ADORA2B: variants seen among roughly 807,000 people sequenced by gnomAD.
The protein encoded by ADORA2B is adenosine A2b receptor, also known as adenosine receptor A2b.
A neutral mutation model predicts 20.8 loss-of-function variants in ADORA2B; 18 were observed. The observed-to-expected ratio is 0.87, with a 90% confidence interval of 0.60 to 1.29. The LOEUF (loss-of-function observed/expected upper bound fraction) is 1.29, where lower values mean the gene tolerates loss of function less well. ADORA2B is among the 50% of genes most tolerant of loss of function. ADORA2B has a pLI of 0.00. For missense variants in ADORA2B, 441 were observed against 422.7 expected, an observed-to-expected ratio of 1.04 and a Z score of -0.38; for synonymous variants, 179 against 178.3, an observed-to-expected ratio of 1.00 and a Z score of -0.03.
intron 1 of ADORA2B, among the ~76,000 whole-genome samples, chr17:15,971,229 G>A (rs1327055915): frequency 6.6e-6 from 1 of 152,222 alleles, no homozygotes; most frequent in African/African-American, 2.4e-5. Flanking sequence ...CTCCGCCTTT[G>A]GGAGGCTTCC....
chr17:15,919,033 G>T, the ADORA2B span, among the ~76,000 whole-genome samples: 2 of 152,126 alleles, frequency 1.3e-5, no homozygotes, highest in Non-Finnish European at 2.9e-5. Flanking sequence ...CCAGGAGGAG[G>T]TTTATTTTCT....
the ADORA2B span, among the ~76,000 whole-genome samples, chr17:15,884,578 G>A: frequency 6.6e-6 from 1 of 151,808 alleles, no homozygotes; most frequent in African/African-American, 2.4e-5. Flanking sequence ...CTCCCTCCAC[G>A]CCCCCATACA....
At chr17:15,908,453 G>T in the ADORA2B span, 1 of 153,500 alleles carries the variant, frequency 6.5e-6, no homozygotes, top group Non-Finnish European at 1.5e-5. Flanking sequence ...TCCAGGCAGC[G>T]TAAGACCTAA....
At chr17:15,936,667 G>C in the ADORA2B span, among the ~76,000 whole-genome samples, 1 of 152,184 alleles carries the variant, frequency 6.6e-6, no homozygotes, top group African/African-American at 2.4e-5. Context: ...TAAAATCTTT[G>C]TCTAGGCCTC....
the ADORA2B span, among the ~76,000 whole-genome samples, chr17:15,903,740 G>C: frequency 2.2e-3 from 336 of 152,272 alleles, 1 homozygote; most frequent in Non-Finnish European, 4.0e-3. Context: ...GGTGGTTTTA[G>C]TTGTGAAAAG....
the ADORA2B span, among the ~76,000 whole-genome samples, chr17:15,874,236 C>CAT: frequency 6.6e-6 from 1 of 151,590 alleles, no homozygotes; most frequent in African/African-American, 2.4e-5. Flanking sequence ...AATCAAAAAT[C>CAT]ATATGTTCTC....
At chr17:15,951,021 A>G (rs1167411273) in intron 1 of ADORA2B, among the ~76,000 whole-genome samples, 1 of 152,226 alleles carries the variant, frequency 6.6e-6, no homozygotes, top group Non-Finnish European at 1.5e-5. Flanking sequence ...AGGAAAGCAC[A>G]TTGTGGATGA....
chr17:15,918,966 C>T, the ADORA2B span, among the ~76,000 whole-genome samples: 2 of 152,126 alleles, frequency 1.3e-5, no homozygotes, highest in African/African-American at 4.8e-5. Context: ...GAGTGAACCA[C>T]CCAGGCAGGT....
the ADORA2B span, among the ~76,000 whole-genome samples, chr17:15,861,637 G>T: frequency 6.6e-6 from 1 of 152,182 alleles, no homozygotes; most frequent in African/African-American, 2.4e-5. Flanking sequence ...GTTTAAGGAG[G>T]ACTTTGGCAG....
At chr17:15,966,639 A>G (rs966108147) in intron 1 of ADORA2B, among the ~76,000 whole-genome samples, 2 of 152,144 alleles carry the variant, frequency 1.3e-5, no homozygotes, top group Non-Finnish European at 2.9e-5. Flanking sequence ...TTTTCTGTCA[A>G]TCTCCTTAGC....
At chr17:15,892,654 C>CTT in the ADORA2B span, among the ~76,000 whole-genome samples, 7 of 122,134 alleles carry the variant, frequency 5.7e-5, no homozygotes, top group African/African-American at 3.2e-4. Flanking sequence ...TTCTTTCTTT[C>CTT]TTTTTTTTTT....
At chr17:15,866,631 A>G in the ADORA2B span, among the ~76,000 whole-genome samples, 1 of 150,960 alleles carries the variant, frequency 6.6e-6, no homozygotes, top group Non-Finnish European at 1.5e-5. Context: ...TGTCAAATAC[A>G]TATATGGCAA....
At chr17:15,963,633 TC>T (rs1970066353) in intron 1 of ADORA2B, among the ~76,000 whole-genome samples, 2 of 152,082 alleles carry the variant, frequency 1.3e-5, no homozygotes, top group South Asian at 4.2e-4. Flanking sequence ...TGTCTCTGTG[TC>T]CCATGTGATC....
chr17:15,950,495 T>C (rs2151594702), intron 1 of ADORA2B, among the ~76,000 whole-genome samples: 1 of 152,298 alleles, frequency 6.6e-6, no homozygotes, highest in South Asian at 2.1e-4. Context: ...AGGATGCCAC[T>C]GAATTCTCCT....
At chr17:15,914,257 C>T in the ADORA2B span, among the ~76,000 whole-genome samples, 1 of 152,184 alleles carries the variant, frequency 6.6e-6, no homozygotes, top group East Asian at 1.9e-4. Context: ...AGTGTGGTGG[C>T]ATGATCCTAG....
intron 1 of ADORA2B, 145 bp downstream of exon 1, chr17:15,945,728 C>T (rs1969795425): frequency 1.3e-6 from 1 of 750,130 alleles, no homozygotes; most frequent in Non-Finnish European, 2.1e-6. Context: ...GGTTCCCAGC[C>T]TGGCCACCCC....
At chr17:15,961,258 A>G (rs1226336985) in intron 1 of ADORA2B, among the ~76,000 whole-genome samples, 1 of 151,700 alleles carries the variant, frequency 6.6e-6, no homozygotes, top group African/African-American at 2.4e-5. Context: ...CCTGGGCAAC[A>G]GAGTGAGACC....
chr17:15,860,254 C>T, the ADORA2B span, among the ~76,000 whole-genome samples: 4 of 152,156 alleles, frequency 2.6e-5, no homozygotes, highest in Non-Finnish European at 4.4e-5. Flanking sequence ...TGCTCCCAGA[C>T]GAATAAACCC....
chr17:15,862,488 G>A, the ADORA2B span, among the ~76,000 whole-genome samples: 11 of 152,084 alleles, frequency 7.2e-5, no homozygotes, highest in Admixed American at 2.6e-4. Flanking sequence ...TGGGATTGCA[G>A]GTGTGAGCCT....
Sources: allele counts gnomAD v4.1 joint callset (sites outside exome capture counted in the v4.1 genomes callset), GRCh38; gene constraint gnomAD v4.1.1; transcripts MANE v1.5; gene names NCBI Gene and HGNC (gene_info 2026-07-23, HGNC 2026-07-21).